PAPPA2: variants seen among roughly 807,000 people sequenced by gnomAD.
The protein encoded by PAPPA2 is pappalysin 2, also known as pappalysin-2.
A neutral mutation model predicts 176.4 loss-of-function variants in PAPPA2; 86 were observed. The ratio of observed to expected loss-of-function variants is 0.49; its 90% CI spans 0.41 to 0.58. The LOEUF is 0.58. PAPPA2 is among the 20% of genes least tolerant of loss of function. The probability of loss-of-function intolerance (pLI) is 0.00; values close to 1 mark genes in which losing one functional copy is unlikely to be tolerated. For missense variants in PAPPA2, 2,073 were observed against 2,256.9 expected, an observed-to-expected ratio of 0.92 and a Z score of 1.65; for synonymous variants, 809 against 852.2, an observed-to-expected ratio of 0.95 and a Z score of 0.88.
chr1:176,568,365 A>G (rs1652109214), intron 2 of PAPPA2, among the ~76,000 whole-genome samples: 1 of 152,228 alleles, frequency 6.6e-6, no homozygotes, highest in Non-Finnish European at 1.5e-5. Context: ...TGGTCTGTTT[A>G]CAAATATTAA....
intron 1 of PAPPA2, among the ~76,000 whole-genome samples, chr1:176,489,407 T>A (rs1403806841): frequency 6.6e-6 from 1 of 152,200 alleles, no homozygotes. Flanking sequence ...ATACCCTTTA[T>A]GAATACTTTA....
chr1:176,514,316 G>T (rs941442339), intron 1 of PAPPA2, among the ~76,000 whole-genome samples: 3 of 152,056 alleles, frequency 2.0e-5, no homozygotes, highest in African/African-American at 7.2e-5. Flanking sequence ...CAGCTCCCAT[G>T]GGAACTAACA....
rs1666735928 is a variant in PAPPA2, at chr1:176,823,363, GGAAT to G, written c.5203-16807_5203-16804del. Among the ~76,000 whole-genome samples the G allele has an allele frequency of 1.3e-5, 2 of 152,176 alleles. 1 individual carries two copies. Among genetic ancestry groups the G allele is most frequent in the African/African-American group, 4.8e-5 (2 of 41,446 alleles). On this transcript the variant is annotated intron_variant, in intron 21 of 22. Coordinates refer to ENST00000367662, the MANE Select transcript of PAPPA2 (RefSeq NM_020318.3). ...GATCTTGAGGGAGATAAGGAAGTAT[GGAAT>G]GACTCAAGGTTAAAGAGGTAAATAA...
At chr1:176,500,282 TAA>T (rs1647882194) in intron 1 of PAPPA2, among the ~76,000 whole-genome samples, 1 of 151,952 alleles carries the variant, frequency 6.6e-6, no homozygotes, top group Admixed American at 6.6e-5. Flanking sequence ...AGAAAAACAA[TAA>T]GTTTATAGGT....
At chr1:176,684,545 AC>A (rs942944038) in intron 4 of PAPPA2, among the ~76,000 whole-genome samples, 6 of 151,224 alleles carry the variant, frequency 4.0e-5, no homozygotes, top group Admixed American at 1.3e-4. Flanking sequence ...TCTCGTCCCT[AC>A]CCCCCCACTC....
At chr1:176,584,017 G>A (rs1012544437) in intron 2 of PAPPA2, among the ~76,000 whole-genome samples, 2 of 152,204 alleles carry the variant, frequency 1.3e-5, no homozygotes, top group African/African-American at 4.8e-5. Flanking sequence ...ACTCCAGCCT[G>A]AGAGACAGAG....
intron 3 of PAPPA2, among the ~76,000 whole-genome samples, chr1:176,601,861 A>G (rs1239805400): frequency 6.6e-6 from 1 of 152,134 alleles, no homozygotes; most frequent in Non-Finnish European, 1.5e-5. Context: ...CCCTAAAATT[A>G]TGTCTCAGAG....
chr1:176,735,698 A>G (rs1330534048), intron 12 of PAPPA2, among the ~76,000 whole-genome samples: 1 of 137,178 alleles, frequency 7.3e-6, no homozygotes, highest in East Asian at 2.1e-4. Flanking sequence ...CTATCTATCT[A>G]TCTATCTATC....
chr1:176,534,794 A>G (rs1201345821), intron 1 of PAPPA2, among the ~76,000 whole-genome samples: 1 of 152,186 alleles, frequency 6.6e-6, no homozygotes, highest in Non-Finnish European at 1.5e-5. Flanking sequence ...ATGTGCTTCA[A>G]CTGGAAGTAT....
intron 8 of PAPPA2, 89 bp downstream of exon 8, chr1:176,699,678 C>A: frequency 6.7e-7 from 1 of 1,492,172 alleles, no homozygotes; most frequent in Non-Finnish European, 9.0e-7. Context: ...TTCAGCCATG[C>A]CCTTAGTCGG....
At chr1:176,582,293 T>C (rs1460023228) in intron 2 of PAPPA2, among the ~76,000 whole-genome samples, 2 of 152,206 alleles carry the variant, frequency 1.3e-5, no homozygotes, top group Non-Finnish European at 2.9e-5. Flanking sequence ...CTTTCCAATT[T>C]GGATGCCTTT....
At chr1:176,474,777 T>C (rs994160335) in intron 1 of PAPPA2, among the ~76,000 whole-genome samples, 1 of 152,214 alleles carries the variant, frequency 6.6e-6, no homozygotes, top group South Asian at 2.1e-4. Flanking sequence ...GAAAATATGA[T>C]TGTTTTCAAA....
chr1:176,688,634 G>C (rs1659958259), intron 4 of PAPPA2, among the ~76,000 whole-genome samples: 1 of 152,226 alleles, frequency 6.6e-6, no homozygotes, highest in South Asian at 2.1e-4. Flanking sequence ...GTGAGGTCTA[G>C]TTTCACCTGG....
chr1:176,759,885 C>T, intron 14 of PAPPA2, among the ~76,000 whole-genome samples: 1 of 152,094 alleles, frequency 6.6e-6, no homozygotes, highest in East Asian at 1.9e-4. Context: ...GGGAACCTGC[C>T]CCTAAGTCTG....
At chr1:176,729,899 T>C (rs1418866143) in intron 12 of PAPPA2, among the ~76,000 whole-genome samples, 1 of 152,062 alleles carries the variant, frequency 6.6e-6, no homozygotes, top group African/African-American at 2.4e-5. Context: ...TTGATTTGTA[T>C]TAATTGATAT....
chr1:176,709,746 G>T (rs991462016), intron 10 of PAPPA2, among the ~76,000 whole-genome samples: 1 of 151,824 alleles, frequency 6.6e-6, no homozygotes, highest in African/African-American at 2.4e-5. Context: ...AACCATTTCT[G>T]TACTTTTATA....
intron 14 of PAPPA2, among the ~76,000 whole-genome samples, chr1:176,744,134 ATAGT>A (rs1399107492): frequency 6.6e-6 from 1 of 152,060 alleles, no homozygotes; most frequent in African/African-American, 2.4e-5. Flanking sequence ...TTGATATTAG[ATAGT>A]TAAGTATATA....
At position 176,769,624 on chromosome 1, in the gene PAPPA2, A is replaced by G. The variant is rs746625723; in HGVS notation, c.4341A>G (p.Thr1447=). The change falls in exon 16 of 23, where the codon ACA becomes ACG. Residue 1447 remains threonine (T), a synonymous_variant. Transcript: ENST00000367662. The stretch of plus-strand genomic sequence containing the variant: ...GTTTCTAGAAGGAAATTCTGCTCAC[A>G]TGTTCTTCTGGGCACTGGGACCAGA... The part of the protein sequence containing the change: ...IRPMQKEILL[T]CSSGHWDQNV... The G allele has an allele frequency of 6.2e-6, 10 of 1,613,170 alleles. No individual in the cohort carries two copies. Among genetic ancestry groups the G allele is most frequent in the African/African-American group, 5.3e-5 (4 of 74,872 alleles).
chr1:176,811,800 C>T (rs2102963211), intron 21 of PAPPA2, among the ~76,000 whole-genome samples: 1 of 152,244 alleles, frequency 6.6e-6, no homozygotes, highest in South Asian at 2.1e-4. Flanking sequence ...GTTCAGGGCT[C>T]AACTTCAGAT....
Sources: allele counts gnomAD v4.1 joint callset (sites outside exome capture counted in the v4.1 genomes callset), GRCh38; gene constraint gnomAD v4.1.1; transcripts MANE v1.5; gene names NCBI Gene and HGNC (gene_info 2026-07-23, HGNC 2026-07-21).